The following NCOA2 variants were observed in gnomAD, a reference collection of about 807,000 sequenced individuals.
NCOA2 encodes the protein nuclear receptor coactivator 2, also known as class E basic helix-loop-helix protein 75.
NCOA2 carries 21 observed loss-of-function variants against 145.1 expected under a neutral mutation model. The ratio of observed to expected loss-of-function variants is 0.14; its 90% CI spans 0.10 to 0.21. The LOEUF is 0.21. NCOA2 is among the 10% of genes least tolerant of loss of function. The probability of loss-of-function intolerance (pLI) is 1.00; values close to 1 mark genes in which losing one functional copy is unlikely to be tolerated. For synonymous variants in NCOA2, 619 were observed against 637.5 expected (o/e 0.97, Z 0.44); for missense variants, 1,472 against 1,837.6 (o/e 0.80, Z 3.64).
intron 10 of NCOA2, among the ~76,000 whole-genome samples, chr8:70,157,441 A>G (rs1812417265): frequency 6.6e-6 from 1 of 152,244 alleles, no homozygotes; most frequent in African/African-American, 2.4e-5. Flanking sequence ...GATGTTTTTC[A>G]GGCAACTCAT....
chr8:70,183,729 G>A (rs977411114), intron 4 of NCOA2, among the ~76,000 whole-genome samples: 5 of 152,200 alleles, frequency 3.3e-5, no homozygotes, highest in African/African-American at 9.6e-5. Context: ...CCCTGCCGCC[G>A]TGCTTCTGTG....
At chr8:70,122,787 A>G (rs1337889119) in intron 21 of NCOA2, among the ~76,000 whole-genome samples, 2 of 152,282 alleles carry the variant, frequency 1.3e-5, no homozygotes, top group Non-Finnish European at 2.9e-5. Context: ...GTCTACTAAC[A>G]GAATTAAATA....
rs749519174 is a variant in NCOA2, at chr8:70,111,655, G to A, written c.*1977C>T. The A allele has an allele frequency of 4.6e-5, 10 of 216,334 alleles. No homozygotes were observed. Among genetic ancestry groups the A allele is most frequent in the Non-Finnish European group, 5.6e-5 (6 of 107,558 alleles). The allele number at this position is 216,334 out of a possible 1,614,324, so 13.4% of individuals were successfully genotyped here. A position where few individuals can be genotyped will look rare whatever the true frequency, so the allele number is the denominator to read the frequency against. ...AATTTCCAGAAAGGTTCTTTAGTATGGAGCAACATTTTCAGACTGTCTACT... is the reference window on the plus strand; with the variant it reads ...AATTTCCAGAAAGGTTCTTTAGTATAGAGCAACATTTTCAGACTGTCTACT... On this transcript the variant is annotated 3_prime_UTR_variant, in exon 23 of 23. Transcript: ENST00000452400.
At chr8:70,345,129 T>A (rs1013358520) in intron 1 of NCOA2, among the ~76,000 whole-genome samples, 1 of 152,156 alleles carries the variant, frequency 6.6e-6, no homozygotes, top group Non-Finnish European at 1.5e-5. Context: ...CTCCAAAGGA[T>A]CACAAATAAT....
At chr8:70,371,532 G>C (rs1811216587) in intron 1 of NCOA2, among the ~76,000 whole-genome samples, 1 of 152,004 alleles carries the variant, frequency 6.6e-6, no homozygotes, top group African/African-American at 2.4e-5. Flanking sequence ...GGAAAAAAAG[G>C]ACAAGCAATT....
chr8:70,384,990 A>C (rs903255186), intron 1 of NCOA2, among the ~76,000 whole-genome samples: 3 of 152,254 alleles, frequency 2.0e-5, no homozygotes, highest in African/African-American at 7.2e-5. Context: ...ACAGTGAATA[A>C]TTAGAAAATA....
intron 2 of NCOA2, among the ~76,000 whole-genome samples, chr8:70,247,334 C>T (rs1016614752): frequency 3.3e-5 from 5 of 152,224 alleles, no homozygotes; most frequent in Middle Eastern, 3.4e-3. Context: ...TATGCCAACA[C>T]CTCATAATGA....
At chr8:70,398,600 TTA>T (rs1459310980) in intron 1 of NCOA2, among the ~76,000 whole-genome samples, 1 of 152,234 alleles carries the variant, frequency 6.6e-6, no homozygotes, top group Non-Finnish European at 1.5e-5. Context: ...ATTCTCCACG[TTA>T]TCTGTCAGCT....
intron 2 of NCOA2, among the ~76,000 whole-genome samples, chr8:70,250,822 T>C (rs1823104805): frequency 6.6e-6 from 1 of 152,204 alleles, no homozygotes; most frequent in Non-Finnish European, 1.5e-5. Context: ...TTCAGTCATT[T>C]GTAATATTAA....
the NCOA2 span, among the ~76,000 whole-genome samples, chr8:70,428,365 C>T: frequency 3.9e-5 from 6 of 152,114 alleles, no homozygotes; most frequent in South Asian, 8.3e-4. Context: ...GAGGCTGAGG[C>T]GGGAGGATCC....
chr8:70,156,297 A>G lies in NCOA2; in HGVS notation c.2068T>C (p.Leu690=). ...CTGCTGTCCTGCAAGAGTCTGTGCA[A>G]AATTTTATGCTTCTCCTTGAGCGAG... is the stretch of plus-strand genomic sequence containing the variant. ...GTSLKEKHKI[L]HRLLQDSSSP... The change falls in exon 11 of 23, where the codon TTG becomes CTG. Residue 690 remains leucine (L), a synonymous_variant. Coordinates refer to ENST00000452400, the MANE Select transcript of NCOA2 (RefSeq NM_006540.4). The G allele has an allele frequency of 6.2e-7, 1 of 1,613,904 alleles. No homozygotes were observed. Among genetic ancestry groups the G allele is most frequent in the Non-Finnish European group, 8.5e-7 (1 of 1,179,864 alleles).
chr8:70,135,149 C>G (rs1054152789), intron 15 of NCOA2, among the ~76,000 whole-genome samples: 5 of 152,148 alleles, frequency 3.3e-5, no homozygotes, highest in African/African-American at 1.2e-4. Flanking sequence ...AGATGCTACA[C>G]ATACCACCAG....
chr8:70,185,423 T>G (rs1396423991), intron 4 of NCOA2, among the ~76,000 whole-genome samples: 2 of 152,182 alleles, frequency 1.3e-5, no homozygotes, highest in Non-Finnish European at 2.9e-5. Flanking sequence ...ATGGGAGAAC[T>G]CTGCATAAAT....
intron 2 of NCOA2, among the ~76,000 whole-genome samples, chr8:70,246,307 C>G (rs920284754): frequency 1.3e-5 from 2 of 151,926 alleles, no homozygotes; most frequent in Non-Finnish European, 2.9e-5. Context: ...ATGAAGCAAG[C>G]AATTTGAGGA....
chr8:70,414,492 A>G, the NCOA2 span, among the ~76,000 whole-genome samples: 3 of 152,174 alleles, frequency 2.0e-5, no homozygotes, highest in Non-Finnish European at 4.4e-5. Flanking sequence ...GGTGACTTTG[A>G]GTATTCCCCG....
Position 70,148,477 on chromosome 8 carries a change from T to C in NCOA2, c.2401A>G (p.Ser801Gly). 13 of 1,612,876 alleles carry C rather than the reference T, an allele frequency of 8.1e-6. No individual in the cohort carries two copies. Among genetic ancestry groups the C allele is most frequent in the Non-Finnish European group, 1.1e-5 (13 of 1,179,828 alleles). The change falls in exon 12 of 23, where the codon AGT becomes GGT. Residue 801 changes from serine to glycine, a missense_variant. Physicochemically the swap from Ser to Gly is moderately conservative, Grantham distance 56. Transcript: ENST00000452400. ...ATCTCCTCCAAGTTGTCCAGCTCAC[T>C]GCCAGGCTGTAGTTGACAAACAGAA... is the stretch of plus-strand genomic sequence containing the variant. ...MSFEPGDQPGSELDNLEEILD... is the reference protein window; with the variant it reads ...MSFEPGDQPGGELDNLEEILD...
intron 2 of NCOA2, among the ~76,000 whole-genome samples, chr8:70,262,209 C>T (rs574757318): frequency 1.3e-5 from 2 of 152,088 alleles, no homozygotes; most frequent in Admixed American, 6.6e-5. Flanking sequence ...TAACAACATC[C>T]CTATGAAGCA....
At chr8:70,198,930 G>A (rs535947294) in intron 4 of NCOA2, among the ~76,000 whole-genome samples, 2 of 152,256 alleles carry the variant, frequency 1.3e-5, no homozygotes, top group South Asian at 4.1e-4. Context: ...CAATCTGGAC[G>A]GACAATGAAA....
At chr8:70,141,429 T>A in intron 13 of NCOA2, 30 bp from the exon 14 acceptor site, 1 of 1,558,226 alleles carries the variant, frequency 6.4e-7, no homozygotes, top group Non-Finnish European at 8.8e-7. Flanking sequence ...AACTGAGAGA[T>A]GCAGTAACTG....
Sources: allele counts gnomAD v4.1 joint callset (sites outside exome capture counted in the v4.1 genomes callset), GRCh38; gene constraint gnomAD v4.1.1; transcripts MANE v1.5; gene names NCBI Gene and HGNC (gene_info 2026-07-23, HGNC 2026-07-21).